Variants in NIPSNAP2 observed in about 807,000 individuals in gnomAD.
The protein encoded by NIPSNAP2 is protein NipSnap homolog 2.
Under a neutral mutation model 48.4 loss-of-function variants are expected in NIPSNAP2, and 42 were observed. That is an observed-to-expected ratio of 0.87 (90% CI 0.68 to 1.12). NIPSNAP2 has a LOEUF of 1.12. Among genes scored for constraint, NIPSNAP2 ranks in the 50% most tolerant of loss-of-function variants. The pLI, the probability that NIPSNAP2 is intolerant of heterozygous loss-of-function variation, is 0.00. For missense variants in NIPSNAP2, 314 were observed against 347.3 expected (o/e 0.90, Z 0.76); for synonymous variants, 158 against 126.6 (o/e 1.25, Z -1.67).
chr7:55,987,253 C>G (rs1787349626), intron 7 of NIPSNAP2, among the ~76,000 whole-genome samples: 1 of 152,304 alleles, frequency 6.6e-6, no homozygotes, highest in Admixed American at 6.5e-5. Context: ...AAAAGATTCG[C>G]ATACCCATGT....
At position 55,967,938 on chromosome 7, in the gene NIPSNAP2, C is replaced by G. The variant is rs184650270; in HGVS notation, c.92+3237C>G. Among the ~76,000 whole-genome samples the G allele has an allele frequency of 8.2e-4, 124 of 151,822 alleles. 1 individual carries two copies. Among genetic ancestry groups the G allele is most frequent in the African/African-American group, 2.8e-3 (115 of 41,410 alleles). ...GTGCTGGCATTACAGGGATGAATCACCACACCCGGCTGCTAATTTTTAATT... is the reference window on the plus strand; with the variant it reads ...GTGCTGGCATTACAGGGATGAATCAGCACACCCGGCTGCTAATTTTTAATT... On this transcript the variant is annotated intron_variant, in intron 1 of 9. Transcript: ENST00000322090.
chr7:55,988,585 C>T lies in NIPSNAP2; in HGVS notation c.617+3707C>T, dbSNP rs1186674509. 1.3e-5 allele frequency among the ~76,000 whole-genome samples: 2 copies of T among 152,194 alleles called. 1 individual carries two copies. The highest frequency in any genetic ancestry group is 1.3e-4 in the Admixed American group (2 of 15,280). On this transcript the variant is annotated intron_variant, in intron 7 of 9. Transcript: ENST00000322090. The stretch of plus-strand genomic sequence containing the variant: ...CCTCAGAAATTACATGTGGGCTGGA[C>T]GCAGTGGTTCACGCCTGTAATCCCA...
intron 1 of NIPSNAP2, among the ~76,000 whole-genome samples, chr7:55,971,650 G>C (rs1787018007): frequency 6.6e-6 from 1 of 151,848 alleles, no homozygotes; most frequent in Non-Finnish European, 1.5e-5. Flanking sequence ...TTTTTTTGTA[G>C]AGACAGGGTC....
intron 8 of NIPSNAP2, among the ~76,000 whole-genome samples, chr7:55,996,177 A>G (rs1787559482): frequency 6.6e-6 from 1 of 151,894 alleles, no homozygotes; most frequent in Non-Finnish European, 1.5e-5. Flanking sequence ...TCCCAGGTAC[A>G]CAAGATGCTG....
chr7:55,969,266 G>C (rs1014529128), intron 1 of NIPSNAP2, among the ~76,000 whole-genome samples: 1 of 152,044 alleles, frequency 6.6e-6, no homozygotes, highest in Admixed American at 6.6e-5. Flanking sequence ...GTGTGGTGGT[G>C]GGGAGGGGAG....
At chr7:55,983,897 T>C in intron 6 of NIPSNAP2, 29 bp downstream of exon 6, 1 of 1,601,528 alleles carries the variant, frequency 6.2e-7, no homozygotes. Flanking sequence ...GTTATTCCTT[T>C]TACTCCTCTG....
intron 7 of NIPSNAP2, among the ~76,000 whole-genome samples, chr7:55,989,194 A>G (rs921781254): frequency 6.6e-6 from 1 of 152,208 alleles, no homozygotes; most frequent in Non-Finnish European, 1.5e-5. Flanking sequence ...CCCAGGAGCT[A>G]CCTTAAATTC....
At chr7:55,974,371 G>A (rs920848950) in intron 1 of NIPSNAP2, among the ~76,000 whole-genome samples, 1 of 152,016 alleles carries the variant, frequency 6.6e-6, no homozygotes, top group Non-Finnish European at 1.5e-5. Flanking sequence ...TATTATTGTA[G>A]TATGAAATCC....
chr7:55,990,715 C>T (rs780132285), intron 7 of NIPSNAP2, among the ~76,000 whole-genome samples: 1 of 151,972 alleles, frequency 6.6e-6, no homozygotes, highest in Non-Finnish European at 1.5e-5. Context: ...CTTGACAGCT[C>T]TCACCTTGAA....
chr7:55,993,728 A>G (rs1438989867), intron 7 of NIPSNAP2, among the ~76,000 whole-genome samples: 1 of 152,150 alleles, frequency 6.6e-6, no homozygotes, highest in Non-Finnish European at 1.5e-5. Flanking sequence ...AGACAGAGGA[A>G]GACTGTTTCA....
chr7:55,976,134 C>T (rs1203836311), intron 1 of NIPSNAP2, among the ~76,000 whole-genome samples: 1 of 152,174 alleles, frequency 6.6e-6, no homozygotes, highest in East Asian at 1.9e-4. Flanking sequence ...ACTCCCACCC[C>T]AGGCCCAGTC....
intron 1 of NIPSNAP2, among the ~76,000 whole-genome samples, chr7:55,975,034 A>G (rs1787081521): frequency 6.6e-6 from 1 of 152,018 alleles, no homozygotes; most frequent in Non-Finnish European, 1.5e-5. Flanking sequence ...GAAAAGGCAG[A>G]AAAGATCTAT....
intron 3 of NIPSNAP2, 149 bp downstream of exon 3, chr7:55,978,544 T>C: frequency 2.7e-6 from 2 of 733,842 alleles, no homozygotes; most frequent in African/African-American, 3.6e-5. Context: ...GAGCTTCATG[T>C]GGGATTGCCG....
chr7:55,969,643 T>C (rs1354869279), intron 1 of NIPSNAP2, among the ~76,000 whole-genome samples: 2 of 152,210 alleles, frequency 1.3e-5, no homozygotes, highest in South Asian at 2.1e-4. Context: ...CAGGTTCATC[T>C]GTGCATCGTC....
chr7:55,964,602 C>G lies in NIPSNAP2; in HGVS notation c.-8C>G, dbSNP rs1219150338. The G allele has an allele frequency of 9.8e-7, 1 of 1,019,612 alleles. No homozygotes were observed. Among genetic ancestry groups the G allele is most frequent in the Non-Finnish European group, 1.2e-6 (1 of 853,514 alleles). 63.2% of individuals were successfully genotyped at this position (1,019,612 alleles called of 1,614,324 possible). On this transcript the variant is annotated 5_prime_UTR_variant, in exon 1 of 10. Transcript: ENST00000322090. ...GCCCGGGCGGTGGGAGCCGAGGCGC[C>G]GAGCAAGATGGCGGCGCGAGTGCTG...
chr7:55,964,807 G>A, intron 1 of NIPSNAP2, 106 bp downstream of exon 1: 1 of 477,500 alleles, frequency 2.1e-6, no homozygotes, highest in Non-Finnish European at 2.9e-6. Flanking sequence ...TCCCCAGCGC[G>A]GGTGGCTGCC....
At chr7:55,997,017 A>G (rs1787576218) in intron 8 of NIPSNAP2, among the ~76,000 whole-genome samples, 1 of 152,070 alleles carries the variant, frequency 6.6e-6, no homozygotes, top group Admixed American at 6.6e-5. Flanking sequence ...AAAATTAGCC[A>G]ATGTGGTAGC....
chr7:55,968,076 C>G (rs1786935754), intron 1 of NIPSNAP2, among the ~76,000 whole-genome samples: 1 of 152,124 alleles, frequency 6.6e-6, no homozygotes, highest in African/African-American at 2.4e-5. Context: ...AGGTGTGAGC[C>G]ATTGTGCCCA....
rs183503152 is a variant in NIPSNAP2, at chr7:55,965,838, C to T, written c.92+1137C>T. 1.4e-3 allele frequency among the ~76,000 whole-genome samples: 208 copies of T among 152,246 alleles called. 2 individuals are homozygous for T. Among genetic ancestry groups the T allele is most frequent in the Non-Finnish European group, 4.6e-4 (31 of 68,028 alleles). On this transcript the variant is annotated intron_variant, in intron 1 of 9. Transcript: ENST00000322090. ...TCAGGTGATCCACCTGCCGCGGCCT[C>T]CCAAAGTGCAGGGATTACAGTCGTG...
Sources: allele counts gnomAD v4.1 joint callset (sites outside exome capture counted in the v4.1 genomes callset), GRCh38; gene constraint gnomAD v4.1.1; transcripts MANE v1.5; gene names NCBI Gene and HGNC (gene_info 2026-07-23, HGNC 2026-07-21).